Variants in SH3RF2 observed in about 807,000 individuals in gnomAD.
The protein encoded by SH3RF2 is E3 ubiquitin-protein ligase SH3RF2.
A neutral mutation model predicts 59.0 loss-of-function variants in SH3RF2; 43 were observed. The ratio of observed to expected loss-of-function variants is 0.73; its 90% CI spans 0.57 to 0.94. The LOEUF is 0.94. SH3RF2 is among the 40% of genes least tolerant of loss of function. The probability of loss-of-function intolerance (pLI) is 0.00; values close to 1 mark genes in which losing one functional copy is unlikely to be tolerated. For missense variants in SH3RF2, 930 were observed against 940.1 expected, an observed-to-expected ratio of 0.99 and a Z score of 0.14; for synonymous variants, 391 against 391.5, an observed-to-expected ratio of 1.00 and a Z score of 0.01.
chr5:146,044,350 C>T (rs1210644988), intron 5 of SH3RF2, among the ~76,000 whole-genome samples: 1 of 152,056 alleles, frequency 6.6e-6, no homozygotes, highest in African/African-American at 2.4e-5. Context: ...AGGGTTTCAC[C>T]ATGTTGGTCA....
chr5:146,001,773 G>A (rs115832968), intron 3 of SH3RF2, among the ~76,000 whole-genome samples: 2 of 152,168 alleles, frequency 1.3e-5, no homozygotes, highest in Non-Finnish European at 2.9e-5. Context: ...TACCTACACT[G>A]AGCTGGCAAT....
intron 2 of SH3RF2, among the ~76,000 whole-genome samples, chr5:145,963,243 AATGGATGG>A (rs58658769): frequency 0.014 from 2,022 of 148,008 alleles, 46 homozygotes; most frequent in African/African-American, 0.046. Flanking sequence ...ATACTGGATG[AATGGATGG>A]ATGGATGGAT....
At chr5:146,040,321 G>A (rs538431043) in intron 5 of SH3RF2, among the ~76,000 whole-genome samples, 3 of 152,214 alleles carry the variant, frequency 2.0e-5, no homozygotes, top group Non-Finnish European at 2.9e-5. Context: ...ATACTTATCC[G>A]TATGCAAAAT....
intron 7 of SH3RF2, among the ~76,000 whole-genome samples, chr5:146,054,677 C>A (rs1762608784): frequency 6.6e-6 from 1 of 152,246 alleles, no homozygotes; most frequent in South Asian, 2.1e-4. Context: ...TCAGGCAGCA[C>A]TGACCACAAT....
At chr5:145,953,845 C>T (rs761341974) in intron 2 of SH3RF2, among the ~76,000 whole-genome samples, 4 of 152,146 alleles carry the variant, frequency 2.6e-5, no homozygotes, top group Non-Finnish European at 5.9e-5. Context: ...TTGCTAAGGA[C>T]AATGGCCTTC....
At position 145,937,815 on chromosome 5, in the gene SH3RF2, T is replaced by C; in HGVS notation, c.-106-8T>C. The C allele has an allele frequency of 7.4e-7, 1 of 1,342,462 alleles. No homozygotes were observed. The highest frequency in any genetic ancestry group is 1.0e-6 in the Non-Finnish European group (1 of 988,592). The allele number at this position is 1,342,462 out of a possible 1,614,324, so 83.2% of individuals were successfully genotyped here. The stretch of plus-strand genomic sequence containing the variant: ...TTTTTTTTTCTCTCCTCTCCCTCCT[T>C]CAAGCAGGCAAAAATTCTGACGTTC... On this transcript the variant is annotated splice_polypyrimidine_tract_variant and splice_region_variant and intron_variant, in intron 1 of 9. Transcript: ENST00000359120.
chr5:145,967,849 A>G (rs879814888), intron 2 of SH3RF2, among the ~76,000 whole-genome samples: 7 of 152,080 alleles, frequency 4.6e-5, no homozygotes, highest in Non-Finnish European at 7.4e-5. Flanking sequence ...TAGTAGAGAC[A>G]GGGTTTCACC....
intron 2 of SH3RF2, among the ~76,000 whole-genome samples, chr5:145,987,894 A>G (rs556484696): frequency 6.6e-6 from 1 of 152,358 alleles, no homozygotes; most frequent in African/African-American, 2.4e-5. Context: ...TACATTGTTT[A>G]TCACATTAAT....
At chr5:145,945,684 CAGAT>C (rs1197901909) in intron 2 of SH3RF2, among the ~76,000 whole-genome samples, 3 of 152,054 alleles carry the variant, frequency 2.0e-5, no homozygotes, top group East Asian at 1.9e-4. Flanking sequence ...GGGAAGGAAA[CAGAT>C]AGAGGAGAGG....
intron 5 of SH3RF2, among the ~76,000 whole-genome samples, chr5:146,029,473 G>A (rs115329364): frequency 0.015 from 2,253 of 152,254 alleles, 56 homozygotes; most frequent in African/African-American, 0.05. Context: ...TGCATGTGCC[G>A]TGTGTTTGCC....
At chr5:146,005,630 A>C (rs1470141074) in intron 4 of SH3RF2, among the ~76,000 whole-genome samples, 1 of 152,108 alleles carries the variant, frequency 6.6e-6, no homozygotes, top group Non-Finnish European at 1.5e-5. Flanking sequence ...CCTAATTCTC[A>C]TTCCTAATGC....
intron 9 of SH3RF2, among the ~76,000 whole-genome samples, chr5:146,060,986 C>T (rs974477325): frequency 5.3e-5 from 8 of 152,308 alleles, no homozygotes; most frequent in South Asian, 2.1e-4. Context: ...TGAACATCAC[C>T]ATCATCACAT....
At chr5:146,061,741 A>T (rs186081212) in intron 9 of SH3RF2, among the ~76,000 whole-genome samples, 1 of 152,194 alleles carries the variant, frequency 6.6e-6, no homozygotes, top group Non-Finnish European at 1.5e-5. Flanking sequence ...GAGACCTTGC[A>T]TCTCATATAA....
intron 9 of SH3RF2, among the ~76,000 whole-genome samples, chr5:146,076,842 C>A (rs560238663): frequency 3.4e-4 from 52 of 151,998 alleles, no homozygotes; most frequent in Non-Finnish European, 6.6e-4. Flanking sequence ...GTAAGACTCC[C>A]CAAATTGATG....
chr5:145,992,873 A>G (rs1760008327), intron 2 of SH3RF2, among the ~76,000 whole-genome samples: 1 of 151,522 alleles, frequency 6.6e-6, no homozygotes, highest in Non-Finnish European at 1.5e-5. Flanking sequence ...CTCACATTTC[A>G]AAACCAATCA....
chr5:145,940,985 T>C (rs933411497), intron 2 of SH3RF2, among the ~76,000 whole-genome samples: 1 of 152,150 alleles, frequency 6.6e-6, no homozygotes, highest in Admixed American at 6.6e-5. Context: ...GAGAGTGTAA[T>C]AGGTATTATT....
At chr5:146,040,892 G>A (rs1213240076) in intron 5 of SH3RF2, among the ~76,000 whole-genome samples, 1 of 152,100 alleles carries the variant, frequency 6.6e-6, no homozygotes, top group Non-Finnish European at 1.5e-5. Flanking sequence ...GAAAGGACAA[G>A]AAAAACAAGC....
At chr5:145,944,269 C>T (rs1483732465) in intron 2 of SH3RF2, among the ~76,000 whole-genome samples, 1 of 151,618 alleles carries the variant, frequency 6.6e-6, no homozygotes, top group Non-Finnish European at 1.5e-5. Flanking sequence ...CAAAAAAAAT[C>T]TGAAATCTGA....
chr5:146,071,772 C>A (rs1035099373), intron 9 of SH3RF2, among the ~76,000 whole-genome samples: 10 of 152,208 alleles, frequency 6.6e-5, no homozygotes, highest in Non-Finnish European at 1.5e-4. Flanking sequence ...AAAAGTGACA[C>A]AACCCTAGAC....
Sources: allele counts gnomAD v4.1 joint callset (sites outside exome capture counted in the v4.1 genomes callset), GRCh38; gene constraint gnomAD v4.1.1; transcripts MANE v1.5; gene names NCBI Gene and HGNC (gene_info 2026-07-23, HGNC 2026-07-21).